AP3B1: variants seen among roughly 807,000 people sequenced by gnomAD.
The protein encoded by AP3B1 is AP-3 complex subunit beta-1.
Under a neutral mutation model 132.5 loss-of-function variants are expected in AP3B1, and 61 were observed. The ratio of observed to expected loss-of-function variants is 0.46; its 90% CI spans 0.37 to 0.57. The LOEUF (loss-of-function observed/expected upper bound fraction) is 0.57. AP3B1 is among the 20% of genes least tolerant of loss of function. AP3B1 has a pLI of 0.00. For synonymous variants in AP3B1, 388 were observed against 438.3 expected (o/e 0.89, Z 1.43); for missense variants, 1,120 against 1,289.4 (o/e 0.87, Z 2.01).
intron 22 of AP3B1, among the ~76,000 whole-genome samples, chr5:78,054,223 C>T (rs1205937939): frequency 1.3e-5 from 2 of 152,116 alleles, no homozygotes; most frequent in African/African-American, 4.8e-5. Flanking sequence ...TAGAATTGAA[C>T]AGATCAAGAG....
chr5:78,055,287 A>T (rs991995617), intron 22 of AP3B1, among the ~76,000 whole-genome samples: 4 of 152,190 alleles, frequency 2.6e-5, no homozygotes, highest in African/African-American at 9.7e-5. Flanking sequence ...TAACATATTA[A>T]ACATTTTTCC....
chr5:78,196,284 C>A (rs566153564), intron 7 of AP3B1, among the ~76,000 whole-genome samples: 2 of 152,076 alleles, frequency 1.3e-5, no homozygotes, highest in African/African-American at 2.4e-5. Flanking sequence ...TGTTCAAAAC[C>A]ATGTCATTAG....
chr5:78,043,564 C>T, intron 22 of AP3B1: 3 of 444,412 alleles, frequency 6.8e-6, no homozygotes, highest in East Asian at 6.2e-5. Flanking sequence ...CTTTGACCTT[C>T]CTCTCTTCTA....
intron 7 of AP3B1, among the ~76,000 whole-genome samples, chr5:78,196,389 TAA>T: frequency 6.6e-6 from 1 of 152,298 alleles, no homozygotes; most frequent in Non-Finnish European, 1.5e-5. Context: ...GACAAGGATA[TAA>T]AGTGACAGGA....
intron 15 of AP3B1, among the ~76,000 whole-genome samples, chr5:78,137,387 A>T (rs1376039737): frequency 6.6e-6 from 1 of 152,122 alleles, no homozygotes; most frequent in African/African-American, 2.4e-5. Flanking sequence ...CCAGATTTTG[A>T]GATTCTCCCA....
chr5:78,162,939 T>C lies in AP3B1; in HGVS notation c.1243A>G (p.Ser415Gly), dbSNP rs1263925193. 1 of 1,613,700 alleles carries C rather than the reference T, an allele frequency of 6.2e-7. No individual in the cohort carries two copies. Among genetic ancestry groups the C allele is most frequent in the Non-Finnish European group, 8.5e-7 (1 of 1,179,736 alleles). ...LLREFQTYVK[S>G]QDKQFAAATI... ...GCTGCTGCAAATTGTTTATCCTGGCTTTTCACATAGGTCTAAAAGATATTA... is the reference window on the plus strand; with the variant it reads ...GCTGCTGCAAATTGTTTATCCTGGCCTTTCACATAGGTCTAAAAGATATTA... Residue 415 changes from serine (S) to glycine (G), a missense_variant, in exon 13 of 27, where the codon AGC becomes GGC. Ser to Gly is a moderately conservative substitution (Grantham distance 56, BLOSUM62 0). This residue lies in a region of AP3B1 where 906 missense variants were observed against 997.1 expected (regional missense o/e 0.91). Coordinates refer to ENST00000255194, the MANE Select transcript of AP3B1 (RefSeq NM_003664.5).
chr5:78,218,774 A>C (rs776513958), intron 6 of AP3B1, among the ~76,000 whole-genome samples: 1 of 152,152 alleles, frequency 6.6e-6, no homozygotes, highest in Non-Finnish European at 1.5e-5. Context: ...GAAGTGCATC[A>C]AGGTTTGATT....
intron 22 of AP3B1, among the ~76,000 whole-genome samples, chr5:78,066,049 G>T (rs554711564): frequency 4.0e-5 from 6 of 150,358 alleles, no homozygotes; most frequent in Non-Finnish European, 8.9e-5. Context: ...GTCTGGAGTG[G>T]GCCCCAGCAA....
At chr5:78,170,865 G>C (rs984668138) in intron 11 of AP3B1, among the ~76,000 whole-genome samples, 1 of 152,090 alleles carries the variant, frequency 6.6e-6, no homozygotes, top group Non-Finnish European at 1.5e-5. Flanking sequence ...TATGGTTTTA[G>C]CTCTAACATT....
chr5:78,271,082 G>T (rs1183863776), intron 1 of AP3B1, among the ~76,000 whole-genome samples: 1 of 152,154 alleles, frequency 6.6e-6, no homozygotes, highest in Admixed American at 6.5e-5. Flanking sequence ...ACAGTGAATA[G>T]AAACAAAAAA....
intron 22 of AP3B1, chr5:78,087,624 G>A (rs1750319373): frequency 1.0e-6 from 1 of 985,234 alleles, no homozygotes; most frequent in Non-Finnish European, 1.2e-6. Flanking sequence ...CGTGTCAACT[G>A]GCGGTCATTT....
At chr5:78,207,683 T>C (rs1745566775) in intron 7 of AP3B1, among the ~76,000 whole-genome samples, 1 of 152,124 alleles carries the variant, frequency 6.6e-6, no homozygotes, top group African/African-American at 2.4e-5. Flanking sequence ...TCTCAAAGAC[T>C]TTTTAAACAG....
At position 78,175,810 on chromosome 5, in the gene AP3B1, T is replaced by C. The variant is rs142025324; in HGVS notation, c.1069A>G (p.Ile357Val). Reference protein sequence around the residue: ...REVQYIVLQNIATMSIQRKGM... With the variant: ...REVQYIVLQNVATMSIQRKGM... ...TTTCTTTGAATTGACATAGTTGCTA[T>C]ATTTTGTAGGACAATATACTGCACC... Residue 357 changes from isoleucine (I) to valine (V), a missense_variant, in exon 10 of 27, where the codon ATA becomes GTA. By Grantham distance (29) the Ile-to-Val change is conservative. This residue lies in a region of AP3B1 where 906 missense variants were observed against 997.1 expected (regional missense o/e 0.91). Transcript: ENST00000255194. The C allele has an allele frequency of 1.9e-3, 2,985 of 1,612,266 alleles. 10 individuals carry two copies. The highest frequency in any genetic ancestry group is 2.1e-3 in the Non-Finnish European group (2,493 of 1,179,288).
chr5:78,011,137 G>A (rs970931189), intron 26 of AP3B1, among the ~76,000 whole-genome samples: 2 of 150,888 alleles, frequency 1.3e-5, no homozygotes, highest in Admixed American at 6.6e-5. Context: ...CTCCCTCCTG[G>A]GTTCAAGCAA....
intron 22 of AP3B1, among the ~76,000 whole-genome samples, chr5:78,076,558 C>A (rs1362465832): frequency 6.6e-6 from 1 of 152,144 alleles, no homozygotes; most frequent in Non-Finnish European, 1.5e-5. Flanking sequence ...ATAGCTTATG[C>A]TAAGGAGATA....
At position 78,072,712 on chromosome 5, in the gene AP3B1, C is replaced by CTTTT. The variant is rs34203981; in HGVS notation, c.2577+16677_2577+16680dup. Among the ~76,000 whole-genome samples the CTTTT allele has an allele frequency of 6.2e-4, 42 of 68,286 alleles. 7 individuals carry two copies. The highest frequency in any genetic ancestry group is 1.2e-3 in the East Asian group (2 of 1,738). The allele number at this position is 68,286 out of a possible 152,430, so 44.8% of individuals were successfully genotyped here. ...TGAGTAACAATGTGTCTGATATATT[C>CTTTT]TTTTTTTTTTTTTTTTTTTTTTTTT... On this transcript the variant is annotated intron_variant, in intron 22 of 26. Transcript: ENST00000255194.
intron 22 of AP3B1, among the ~76,000 whole-genome samples, chr5:78,075,798 A>G (rs1749742733): frequency 6.6e-6 from 1 of 152,180 alleles, no homozygotes; most frequent in Admixed American, 6.5e-5. Context: ...ACTTAACGTC[A>G]TCTTTTTGCT....
At chr5:78,261,701 C>T (rs1054595466) in intron 2 of AP3B1, among the ~76,000 whole-genome samples, 3 of 150,698 alleles carry the variant, frequency 2.0e-5, no homozygotes, top group African/African-American at 7.3e-5. Context: ...CCTGACCTCA[C>T]GTGATCTGCC....
Position 78,128,012 on chromosome 5 carries a change from T to G in AP3B1, c.1968+18A>C. ...TTCCACTGCTTTGGCAAAATTAATTTCAGAAAGGTCAACTTACCAACTCTA... is the reference window on the plus strand; with the variant it reads ...TTCCACTGCTTTGGCAAAATTAATTGCAGAAAGGTCAACTTACCAACTCTA... On this transcript the variant is annotated intron_variant, in intron 17 of 26. Coordinates refer to ENST00000255194, the MANE Select transcript of AP3B1 (RefSeq NM_003664.5). The G allele has an allele frequency of 1.2e-6, 2 of 1,611,368 alleles. No individual in the cohort carries two copies. Among genetic ancestry groups the G allele is most frequent in the Non-Finnish European group, 1.7e-6 (2 of 1,178,028 alleles).
Sources: gnomAD v4.1 joint callset for allele counts (sites outside exome capture counted in the v4.1 genomes callset) on GRCh38, gnomAD v4.1.1 for gene constraint, gnomAD v4.1.1 regional missense constraint, MANE v1.5 for transcripts, NCBI Gene and HGNC (gene_info 2026-07-23, HGNC 2026-07-21) for gene names.